CAMTA1: variants seen among roughly 807,000 people sequenced by gnomAD.
The protein encoded by CAMTA1 is calmodulin-binding transcription activator 1.
Under a neutral mutation model 170.9 loss-of-function variants are expected in CAMTA1, and 27 were observed. The observed-to-expected ratio is 0.16, with a 90% confidence interval of 0.12 to 0.22. The LOEUF (loss-of-function observed/expected upper bound fraction) is 0.22. Among genes scored for constraint, CAMTA1 ranks in the 10% least tolerant of loss-of-function variants. The pLI, the probability that CAMTA1 is intolerant of heterozygous loss-of-function variation, is 1.00. For missense variants in CAMTA1, 1,619 were observed against 2,217.2 expected, an observed-to-expected ratio of 0.73 and a Z score of 5.42; for synonymous variants, 833 against 891.5, an observed-to-expected ratio of 0.93 and a Z score of 1.17.
chr1:6,891,927 G>T (rs1448615573), intron 3 of CAMTA1, among the ~76,000 whole-genome samples: 1 of 152,148 alleles, frequency 6.6e-6, no homozygotes, highest in Non-Finnish European at 1.5e-5. Flanking sequence ...TCATGAACCT[G>T]AATGTTGTAA....
At chr1:7,407,048 G>A (rs984021526) in intron 5 of CAMTA1, among the ~76,000 whole-genome samples, 1 of 152,216 alleles carries the variant, frequency 6.6e-6, no homozygotes, top group Non-Finnish European at 1.5e-5. Flanking sequence ...ATGCAACCTT[G>A]CACTTAGTGC....
At chr1:6,946,806 T>C (rs1399949852) in intron 3 of CAMTA1, among the ~76,000 whole-genome samples, 3 of 151,068 alleles carry the variant, frequency 2.0e-5, no homozygotes, top group African/African-American at 7.3e-5. Flanking sequence ...AGCACAAAAG[T>C]TTTACATTTT....
chr1:7,746,381 C>G (rs1164671203), intron 18 of CAMTA1, among the ~76,000 whole-genome samples: 1 of 152,204 alleles, frequency 6.6e-6, no homozygotes, highest in Non-Finnish European at 1.5e-5. Flanking sequence ...TGCTGTGCAA[C>G]TGTCACTGCT....
chr1:7,461,419 G>A (rs11805932), intron 5 of CAMTA1, among the ~76,000 whole-genome samples: 20,574 of 152,270 alleles, frequency 0.14, 2,210 homozygotes, highest in East Asian at 0.29. Context: ...GTCCAATGTG[G>A]TAGCCCTCGG....
intron 3 of CAMTA1, among the ~76,000 whole-genome samples, chr1:6,896,587 A>G (rs1026824175): frequency 6.6e-6 from 1 of 152,162 alleles, no homozygotes; most frequent in Non-Finnish European, 1.5e-5. Context: ...TCCACCTGGC[A>G]ACATCCAAGC....
At chr1:7,453,015 A>C (rs1408177982) in intron 5 of CAMTA1, among the ~76,000 whole-genome samples, 2 of 152,246 alleles carry the variant, frequency 1.3e-5, no homozygotes, top group Admixed American at 1.3e-4. Flanking sequence ...ACACAGATGA[A>C]ATAAGACCCC....
chr1:7,763,641 G>T (rs891883129), intron 22 of CAMTA1, among the ~76,000 whole-genome samples: 5 of 152,156 alleles, frequency 3.3e-5, no homozygotes, highest in African/African-American at 1.2e-4. Flanking sequence ...AATGTTTAGG[G>T]TATACCTCCC....
In CAMTA1 at chr1:7,177,617, T is replaced by C. The variant is rs560157252; in HGVS notation, c.303-71874T>C. Among the ~76,000 whole-genome samples the C allele has an allele frequency of 3.8e-5, 5 of 130,792 alleles. No homozygotes were observed. The East Asian group carries it at 1.2e-3, about 31-fold the overall frequency. 85.8% of individuals were successfully genotyped at this position (130,792 alleles called of 152,430 possible). A position where few individuals can be genotyped will look rare whatever the true frequency, so the allele number is the denominator to read the frequency against. On this transcript the variant is annotated intron_variant, in intron 4 of 22. Coordinates refer to ENST00000303635, the MANE Select transcript of CAMTA1 (RefSeq NM_015215.4). ...CGAGGCCCCTCCCATACACTGAGAC[T>C]CCTCCCACACACTGAAGCCCCTCCC... is the stretch of plus-strand genomic sequence containing the variant.
rs895276959 is a variant in CAMTA1, at chr1:7,389,003, A to T, written c.439-78827A>T. ...TTGTTACACTCTCCATCCCCGTGCC[A>T]TTCAGAGCCTCCCAGCACTGAGTAG... On this transcript the variant is annotated intron_variant, in intron 5 of 22. Transcript: ENST00000303635. Among the ~76,000 whole-genome samples the T allele has an allele frequency of 2.6e-5, 4 of 152,178 alleles. No individual in the cohort carries two copies. In the East Asian group the frequency reaches 7.7e-4, roughly 29 times the overall value.
chr1:7,593,153 C>G (rs2095367821), intron 6 of CAMTA1, among the ~76,000 whole-genome samples: 1 of 152,192 alleles, frequency 6.6e-6, no homozygotes, highest in Non-Finnish European at 1.5e-5. Context: ...CGGTAAAGGT[C>G]CGGGTTTTGC....
rs6688159 is a variant in CAMTA1, at chr1:7,248,151, T to A, written c.303-1340T>A. Among the ~76,000 whole-genome samples, 10,858 of 152,150 alleles carry A rather than the reference T, an allele frequency of 0.071. 1,209 individuals carry two copies. The highest frequency in any genetic ancestry group is 0.24 in the African/African-American group (9,973 of 41,464). Reference sequence around the variant, plus strand: ...CTGCAGTCACCCTGGTGGGACTGTTTTTTTCCCCCCAGACAATAGAATATG... The same window carrying A: ...CTGCAGTCACCCTGGTGGGACTGTTATTTTCCCCCCAGACAATAGAATATG... On this transcript the variant is annotated intron_variant, in intron 4 of 22. Coordinates refer to ENST00000303635, the MANE Select transcript of CAMTA1 (RefSeq NM_015215.4). The surrounding 1 kb of genome is among the most constrained non-coding windows in gnomAD (Gnocchi z 4.0).
intron 5 of CAMTA1, among the ~76,000 whole-genome samples, chr1:7,265,921 G>GGGTA (rs1284738962): frequency 3.3e-5 from 5 of 152,156 alleles, no homozygotes; most frequent in African/African-American, 1.2e-4. Flanking sequence ...TCAGTGACAA[G>GGGTA]GGTAGGGCTT....
chr1:7,169,439 A>G (rs1347258967), intron 4 of CAMTA1, among the ~76,000 whole-genome samples: 1 of 152,222 alleles, frequency 6.6e-6, no homozygotes, highest in Non-Finnish European at 1.5e-5. Flanking sequence ...TGTGTTTACA[A>G]GAATATTCAG....
chr1:7,041,420 T>C lies in CAMTA1; in HGVS notation c.235-49884T>C, dbSNP rs538790467. On this transcript the variant is annotated intron_variant, in intron 3 of 22. Coordinates refer to ENST00000303635, the MANE Select transcript of CAMTA1 (RefSeq NM_015215.4). This position sits in a 1 kb window ranked among gnomAD's most constrained non-coding sequence, Gnocchi z 5.1. The stretch of plus-strand genomic sequence containing the variant: ...AGAACATAAATCAGAGGCAGAATCT[T>C]TTAACATTTACAGTTTTAAGTGAAA... Among the ~76,000 whole-genome samples the C allele has an allele frequency of 1.3e-5, 2 of 152,378 alleles. No homozygotes were observed. Among genetic ancestry groups the C allele is most frequent in the East Asian group, 3.8e-4 (2 of 5,196 alleles).
intron 5 of CAMTA1, among the ~76,000 whole-genome samples, chr1:7,284,168 CTTCTTCTTCTTATTATTATTATTATTA>C (rs1299055213): frequency 6.0e-5 from 7 of 117,042 alleles, no homozygotes; most frequent in African/African-American, 2.1e-4. Context: ...TCTTCTTCTT[CTTCTTCTTCTTATTATTATTATTATTA>C]TTATTATTAT....
intron 4 of CAMTA1, among the ~76,000 whole-genome samples, chr1:7,189,278 G>A (rs988456019): frequency 1.3e-5 from 2 of 152,134 alleles, no homozygotes; most frequent in African/African-American, 2.4e-5. Flanking sequence ...AAAATACCAT[G>A]CAGCAATGAA....
Position 7,067,489 on chromosome 1 carries a change from C to T in CAMTA1, c.235-23815C>T, listed in dbSNP as rs148608939. ...GAATGATCTTGACTCTGTTCCCAAC[C>T]AGCCTCTTGGTTTAATTCCAGGATT... is the stretch of plus-strand genomic sequence containing the variant. On this transcript the variant is annotated intron_variant, in intron 3 of 22. Coordinates refer to ENST00000303635, the MANE Select transcript of CAMTA1 (RefSeq NM_015215.4). The surrounding 1 kb of genome is among the most constrained non-coding windows in gnomAD (Gnocchi z 4.3). Among the ~76,000 whole-genome samples, 2 of 152,168 alleles carry T rather than the reference C, an allele frequency of 1.3e-5. No homozygotes were observed. Among genetic ancestry groups the T allele is most frequent in the African/African-American group, 4.8e-5 (2 of 41,432 alleles).
intron 1 of CAMTA1, among the ~76,000 whole-genome samples, chr1:6,799,132 A>G (rs1346226062): frequency 6.6e-6 from 1 of 152,204 alleles, no homozygotes; most frequent in Non-Finnish European, 1.5e-5. Context: ...CTAGAGTGCC[A>G]TCACAGCTCA....
intron 3 of CAMTA1, among the ~76,000 whole-genome samples, chr1:6,870,064 G>A (rs1667944401): frequency 6.6e-6 from 1 of 152,090 alleles, no homozygotes; most frequent in Non-Finnish European, 1.5e-5. Context: ...ATTTGAACCG[G>A]TTTACTTTTT....
Sources: gnomAD v4.1 joint callset for allele counts (sites outside exome capture counted in the v4.1 genomes callset) on GRCh38, gnomAD v4.1.1 for gene constraint, Gnocchi (gnomAD v3.1) non-coding constraint, MANE v1.5 for transcripts, NCBI Gene and HGNC (gene_info 2026-07-23, HGNC 2026-07-21) for gene names.